Variants in ZNF536 observed in about 807,000 individuals in gnomAD.
ZNF536 encodes zinc finger protein 536.
Under a neutral mutation model 84.5 loss-of-function variants are expected in ZNF536, and 13 were observed. That is an observed-to-expected ratio of 0.15 (90% CI 0.10 to 0.24). The LOEUF (loss-of-function observed/expected upper bound fraction) is 0.24. ZNF536 is among the 10% of genes least tolerant of loss of function. The pLI, the probability that ZNF536 is intolerant of heterozygous loss-of-function variation, is 1.00. For missense variants in ZNF536, 1,536 were observed against 1,747.5 expected (o/e 0.88, Z 2.16); for synonymous variants, 811 against 742.5 (o/e 1.09, Z -1.50).
chr19:30,696,665 G>A (rs554615478), intron 1 of ZNF536, among the ~76,000 whole-genome samples: 13 of 152,290 alleles, frequency 8.5e-5, no homozygotes, highest in South Asian at 2.1e-4. Context: ...TAGGGCATGC[G>A]CAATGGCGGG....
intron 2 of ZNF536, among the ~76,000 whole-genome samples, chr19:30,487,910 AGAT>A (rs2054361065): frequency 6.6e-6 from 1 of 152,256 alleles, no homozygotes; most frequent in Admixed American, 6.5e-5. Context: ...TCTATAAATC[AGAT>A]GATTTAGAGA....
intron 1 of ZNF536, among the ~76,000 whole-genome samples, chr19:30,690,758 C>T (rs1175304383): frequency 2.6e-5 from 4 of 152,176 alleles, no homozygotes; most frequent in Non-Finnish European, 5.9e-5. Flanking sequence ...ATGGAAGGAT[C>T]GTAGTAATTG....
At chr19:30,256,214 T>G (rs2024911561) in intron 1 of ZNF536, among the ~76,000 whole-genome samples, 1 of 152,128 alleles carries the variant, frequency 6.6e-6, no homozygotes, top group Non-Finnish European at 1.5e-5. Flanking sequence ...AGACTCAACT[T>G]TGTAGGAGTT....
intron 4 of ZNF536, chr19:30,554,642 A>T (rs564212484): frequency 6.6e-6 from 1 of 152,340 alleles, no homozygotes; most frequent in African/African-American, 2.4e-5. Flanking sequence ...GTGTTGGCTC[A>T]CAGGCCATGG....
intron 1 of ZNF536, among the ~76,000 whole-genome samples, chr19:30,622,774 G>A (rs1196327822): frequency 6.6e-6 from 1 of 152,088 alleles, no homozygotes; most frequent in Non-Finnish European, 1.5e-5. Flanking sequence ...GTGCTTTGGG[G>A]AGGAAAAGCA....
chr19:30,673,853 T>C lies in ZNF536; in HGVS notation c.170-36904T>C, dbSNP rs192518098. ...TTGTCATTTTATGTTAATTGAATGCTAGTGTTAATCTAATAGAGTTTAGAT... is the reference window on the plus strand; with the variant it reads ...TTGTCATTTTATGTTAATTGAATGCCAGTGTTAATCTAATAGAGTTTAGAT... On this transcript the variant is annotated intron_variant, in intron 1 of 1. Coordinates refer to the ZNF536 transcript ENST00000592773. 2.1e-3 allele frequency among the ~76,000 whole-genome samples: 320 copies of C among 152,330 alleles called. 1 individual carries two copies. The highest frequency in any genetic ancestry group is 3.5e-3 in the Admixed American group (53 of 15,300).
At chr19:30,553,890 T>G (rs572453345) in intron 4 of ZNF536, 1 of 152,308 alleles carries the variant, frequency 6.6e-6, no homozygotes, top group East Asian at 1.9e-4. Flanking sequence ...CTATGTGCAG[T>G]GGCTACCAGA....
At chr19:30,281,728 C>T (rs966183240) in intron 1 of ZNF536, among the ~76,000 whole-genome samples, 4 of 152,164 alleles carry the variant, frequency 2.6e-5, no homozygotes, top group Admixed American at 1.3e-4. Context: ...GCACTGAAAA[C>T]GCACCTGTGG....
At chr19:30,369,893 G>A (rs1269797108), upstream of ZNF536, among the ~76,000 whole-genome samples, 2 of 152,140 alleles carry the variant, frequency 1.3e-5, no homozygotes, top group African/African-American at 2.4e-5. Context: ...GCTAGCTGGG[G>A]GTTTAAGCAC....
chr19:30,564,170 GATAAA>G (rs1303184730), intron 1 of ZNF536, among the ~76,000 whole-genome samples: 11 of 152,156 alleles, frequency 7.2e-5, no homozygotes, highest in African/African-American at 2.7e-4. Context: ...GACCTGGGAA[GATAAA>G]ATTAAATGAA....
chr19:30,462,880 CA>C (rs2053213683), intron 2 of ZNF536, among the ~76,000 whole-genome samples: 1 of 128,894 alleles, frequency 7.8e-6, no homozygotes, highest in Admixed American at 8.2e-5. Flanking sequence ...TGGGTGTATC[CA>C]TATGTATTTG....
intron 3 of ZNF536, among the ~76,000 whole-genome samples, chr19:30,353,442 G>A (rs1019354306): frequency 5.9e-5 from 9 of 151,998 alleles, no homozygotes; most frequent in African/African-American, 9.7e-5. Context: ...AGTGTTTTCC[G>A]TCAGTTTCTT....
chr19:30,481,939 T>C (rs1219599730), intron 2 of ZNF536, among the ~76,000 whole-genome samples: 1 of 152,214 alleles, frequency 6.6e-6, no homozygotes, highest in Non-Finnish European at 1.5e-5. Flanking sequence ...CATTCCTGAG[T>C]TACTTCCCAT....
In ZNF536 at chr19:30,705,197, G is replaced by A. The variant is rs1439344193; in HGVS notation, c.170-5560G>A. Among the ~76,000 whole-genome samples, 3 of 152,200 alleles carry A rather than the reference G, an allele frequency of 2.0e-5. No homozygotes were observed. The South Asian group carries it at 6.2e-4, about 32-fold the overall frequency. On this transcript the variant is annotated intron_variant, in intron 1 of 1. Transcript: ENST00000592773. ...GGGAAAATATAATGGCTTATTCCGG[G>A]CCTATCATAGCTTCTCCCAGTCAAC...
intron 1 of ZNF536, among the ~76,000 whole-genome samples, chr19:30,374,201 A>G (rs1254468004): frequency 2.6e-5 from 4 of 152,124 alleles, no homozygotes; most frequent in African/African-American, 4.8e-5. Context: ...TTTTTTTTCA[A>G]TAAGAAAAGT....
intron 1 of ZNF536, among the ~76,000 whole-genome samples, chr19:30,575,976 G>A (rs1229092020): frequency 6.6e-6 from 1 of 152,214 alleles, no homozygotes; most frequent in Admixed American, 6.5e-5. Flanking sequence ...CATGGGGTGT[G>A]CGCCCCATGC....
chr19:30,483,123 A>G (rs1260065275), intron 2 of ZNF536, among the ~76,000 whole-genome samples: 4 of 152,140 alleles, frequency 2.6e-5, no homozygotes, highest in Non-Finnish European at 4.4e-5. Flanking sequence ...GTGTTGGCCC[A>G]GTGCCCACCT....
chr19:30,388,139 G>C (rs1204221990), intron 1 of ZNF536, among the ~76,000 whole-genome samples: 1 of 152,228 alleles, frequency 6.6e-6, no homozygotes, highest in Non-Finnish European at 1.5e-5. Flanking sequence ...AAAGACAAGG[G>C]TGTGTCTATA....
intron 3 of ZNF536, among the ~76,000 whole-genome samples, chr19:30,360,496 G>A (rs1252391163): frequency 6.6e-6 from 1 of 152,096 alleles, no homozygotes; most frequent in Non-Finnish European, 1.5e-5. Context: ...TTATTATATC[G>A]AGGCTGTTTA....
Sources: gnomAD v4.1 joint callset for allele counts (sites outside exome capture counted in the v4.1 genomes callset) on GRCh38, gnomAD v4.1.1 for gene constraint, MANE v1.5 for transcripts, NCBI Gene and HGNC (gene_info 2026-07-23, HGNC 2026-07-21) for gene names.